Variants in KNDC1 observed in about 807,000 individuals in gnomAD.
KNDC1 encodes kinase non-catalytic C-lobe domain-containing protein 1.
Under a neutral mutation model 172.8 loss-of-function variants are expected in KNDC1, and 106 were observed. The observed-to-expected ratio is 0.61, with a 90% CI of 0.52 to 0.72. The LOEUF is 0.72. Among genes scored for constraint, KNDC1 ranks in the 30% least tolerant of loss-of-function variants. The pLI is 0.00. For missense variants in KNDC1, 2,325 were observed against 2,394.5 expected (o/e 0.97, Z 0.61); for synonymous variants, 1,083 against 1,062.2 (o/e 1.02, Z -0.38).
chr10:133,213,742 C>T lies in KNDC1; in HGVS notation c.4526+15C>T. The T allele has an allele frequency of 6.2e-7, 1 of 1,612,684 alleles. No individual in the cohort carries two copies. Among genetic ancestry groups the T allele is most frequent in the Non-Finnish European group, 8.5e-7 (1 of 1,178,890 alleles). ...GCCATCCCCAAGTGAGCGTCCGGGACCCTCAGCTGGGAGCGGTGGTGGAGG... is the reference window on the plus strand; with the variant it reads ...GCCATCCCCAAGTGAGCGTCCGGGATCCTCAGCTGGGAGCGGTGGTGGAGG... On this transcript the variant is annotated intron_variant, in intron 25 of 29. Coordinates refer to ENST00000304613, the MANE Select transcript of KNDC1 (RefSeq NM_152643.8).
chr10:133,167,555 G>A lies in KNDC1; in HGVS notation c.277G>A (p.Val93Met), dbSNP rs375994166. 6.4e-5 allele frequency: 102 copies of A among 1,599,744 alleles called. No individual in the cohort carries two copies. The highest frequency in any genetic ancestry group is 7.8e-5 in the Non-Finnish European group (91 of 1,173,646). Residue 93 changes from valine to methionine, a missense_variant, in exon 2 of 30, where the codon GTG (valine) becomes ATG (methionine). Coordinates refer to ENST00000304613, the MANE Select transcript of KNDC1 (RefSeq NM_152643.8). ...DTLAFNTSGN[V>M]CFMEQLSDDP... Reference sequence around the variant, plus strand: ...CCTGGCCTTCAACACCAGCGGGAACGTGTGTTTCATGGAGCAGCTCAGCGG... The same window carrying A: ...CCTGGCCTTCAACACCAGCGGGAACATGTGTTTCATGGAGCAGCTCAGCGG...
At chr10:133,207,549 C>T (rs1283537514) in intron 20 of KNDC1, among the ~76,000 whole-genome samples, 198 bp downstream of exon 20, 4 of 152,246 alleles carry the variant, frequency 2.6e-5, no homozygotes, top group Non-Finnish European at 5.9e-5. Context: ...TGGCCTCCGC[C>T]GCCTGTGGGC....
chr10:133,225,149 T>G lies in KNDC1; in HGVS notation c.*259T>G. The G allele has an allele frequency of 2.1e-6, 1 of 468,816 alleles. No individual in the cohort carries two copies. 29.0% of individuals were successfully genotyped at this position (468,816 alleles called of 1,614,324 possible). ...TCTGCTAGAATTAAAAAGTTAAATT[T>G]AAAAATGAAAATGAAAGACAGCTTC... is the stretch of plus-strand genomic sequence containing the variant. On this transcript the variant is annotated 3_prime_UTR_variant, in exon 30 of 30. Transcript: ENST00000304613.
chr10:133,202,829 C>G, intron 17 of KNDC1: 1 of 352,628 alleles, frequency 2.8e-6, no homozygotes, highest in East Asian at 8.2e-5. Flanking sequence ...GTGCTACAGC[C>G]TCTGCACCTG....
chr10:133,198,788 C>T lies in KNDC1; in HGVS notation c.2280C>T (p.Cys760=), dbSNP rs1854272568. 6 of 1,589,408 alleles carry T rather than the reference C, an allele frequency of 3.8e-6. No homozygotes were observed. Among genetic ancestry groups the T allele is most frequent in the Non-Finnish European group, 5.1e-6 (6 of 1,168,268 alleles). Residue 760 remains cysteine (C), a synonymous_variant, in exon 14 of 30, where the codon TGC becomes TGT. Coordinates refer to ENST00000304613, the MANE Select transcript of KNDC1 (RefSeq NM_152643.8). The part of the protein sequence containing the change: ...VQRDSAQGRP[C]PPPQAPANQP... Reference sequence around the variant, plus strand: ...GTGACTCAGCCCAGGGCCGCCCCTGCCCTCCACCCCAGGCCCCAGCAAACC... The same window carrying T: ...GTGACTCAGCCCAGGGCCGCCCCTGTCCTCCACCCCAGGCCCCAGCAAACC...
At chr10:133,165,266 G>A (rs550196652) in intron 1 of KNDC1, among the ~76,000 whole-genome samples, 4 of 152,340 alleles carry the variant, frequency 2.6e-5, no homozygotes, top group African/African-American at 7.2e-5. Context: ...GGCTCCAGGT[G>A]TCCGGCTTCC....
rs374065707 is a variant in KNDC1 at position 133,199,617 on chromosome 10, C to G, written c.2903+15C>G. 1 of 1,611,674 alleles carries G rather than the reference C, an allele frequency of 6.2e-7. No individual in the cohort carries two copies. The highest frequency in any genetic ancestry group is 8.5e-7 in the Non-Finnish European group (1 of 1,179,332). On this transcript the variant is annotated intron_variant, in intron 15 of 29. Transcript: ENST00000304613. ...CCCTCCCCAAGGTGGGTGCCCAGTT[C>G]GGCCCTGCATTCCCGCCCCTCCCTG...
At chr10:133,168,962 C>T (rs1853280790) in intron 3 of KNDC1, among the ~76,000 whole-genome samples, 1 of 152,258 alleles carries the variant, frequency 6.6e-6, no homozygotes, top group Non-Finnish European at 1.5e-5. Context: ...GGGGCGGAAT[C>T]ACCCCGGGGC....
At chr10:133,190,812 C>T (rs1364957591) in intron 9 of KNDC1, among the ~76,000 whole-genome samples, 2 of 152,320 alleles carry the variant, frequency 1.3e-5, no homozygotes, top group South Asian at 4.1e-4. Flanking sequence ...CCAGGCCGAC[C>T]TCAGGGGGTT....
At chr10:133,208,719 G>A (rs1036985261) in intron 20 of KNDC1, among the ~76,000 whole-genome samples, 3 of 152,176 alleles carry the variant, frequency 2.0e-5, no homozygotes, top group South Asian at 2.1e-4. Flanking sequence ...CACGCCCACC[G>A]CAGGGTCTCT....
chr10:133,188,435 G>A, intron 6 of KNDC1, 104 bp from the exon 7 acceptor site: 2 of 703,586 alleles, frequency 2.8e-6, no homozygotes, highest in Non-Finnish European at 4.9e-6. Flanking sequence ...CCTACTCAGG[G>A]GCTGAGTGGG....
Position 133,198,781 on chromosome 10 carries a change from G to A in KNDC1, c.2273G>A (p.Arg758His), listed in dbSNP as rs759584683. The change falls in exon 14 of 30, where the codon CGC (arginine) becomes CAC (histidine). Residue 758 changes from arginine (R) to histidine (H), a missense_variant. Coordinates refer to ENST00000304613, the MANE Select transcript of KNDC1 (RefSeq NM_152643.8). ...ASVQRDSAQG[R>H]PCPPPQAPAN... ...GTGCAGCGTGACTCAGCCCAGGGCC[G>A]CCCCTGCCCTCCACCCCAGGCCCCA... is the stretch of plus-strand genomic sequence containing the variant. 29 of 1,585,496 alleles carry A rather than the reference G, an allele frequency of 1.8e-5. No individual in the cohort carries two copies. Among genetic ancestry groups the A allele is most frequent in the South Asian group, 1.3e-4 (11 of 87,370 alleles).
At chr10:133,192,710 T>C (rs1261866760) in intron 9 of KNDC1, among the ~76,000 whole-genome samples, 1 of 152,098 alleles carries the variant, frequency 6.6e-6, no homozygotes, top group Non-Finnish European at 1.5e-5. Flanking sequence ...GAGGAAAGAA[T>C]TGGTGAAATG....
chr10:133,185,689 G>A (rs1853878571), intron 5 of KNDC1, among the ~76,000 whole-genome samples: 1 of 151,238 alleles, frequency 6.6e-6, no homozygotes, highest in Admixed American at 6.6e-5. Context: ...CCCATAGGAA[G>A]CCCCAGAGGG....
At chr10:133,188,073 A>G (rs2135981711) in intron 6 of KNDC1, among the ~76,000 whole-genome samples, 1 of 150,996 alleles carries the variant, frequency 6.6e-6, no homozygotes, top group African/African-American at 2.4e-5. Flanking sequence ...CTGCGTGAGA[A>G]CCCCCCATCC....
In KNDC1 at chr10:133,202,300, C is replaced by T. The variant is rs1415217043; in HGVS notation, c.3387+402C>T. Reference sequence around the variant, plus strand: ...GCAGTGAAAGAAAACACCAAAAACGCCTGCCCAGCAAGTCTAGACTGGGCC... The same window carrying T: ...GCAGTGAAAGAAAACACCAAAAACGTCTGCCCAGCAAGTCTAGACTGGGCC... On this transcript the variant is annotated intron_variant, in intron 17 of 29. Transcript: ENST00000304613. 3 of 488,156 alleles carry T rather than the reference C, an allele frequency of 6.1e-6. No homozygotes were observed. In the East Asian group the frequency reaches 1.8e-4, roughly 30 times the overall value. 30.2% of individuals were successfully genotyped at this position (488,156 alleles called of 1,614,324 possible).
At chr10:133,178,459 C>T (rs1853621594) in intron 3 of KNDC1, among the ~76,000 whole-genome samples, 1 of 152,196 alleles carries the variant, frequency 6.6e-6, no homozygotes, top group Admixed American at 6.5e-5. Context: ...GCTTTCCACC[C>T]AGCCTCGGAT....
chr10:133,195,376 G>A (rs1757976372), intron 9 of KNDC1, among the ~76,000 whole-genome samples: 1 of 152,238 alleles, frequency 6.6e-6, no homozygotes, highest in Non-Finnish European at 1.5e-5. Flanking sequence ...CCTTCGTGAG[G>A]AGAGTGGAAG....
chr10:133,162,716 C>T (rs140439067), intron 1 of KNDC1, among the ~76,000 whole-genome samples: 1 of 152,400 alleles, frequency 6.6e-6, no homozygotes, highest in Non-Finnish European at 1.5e-5. Context: ...CTTGTGCTGG[C>T]AAGGACGGCG....
Sources: allele counts gnomAD v4.1 joint callset (sites outside exome capture counted in the v4.1 genomes callset), GRCh38; gene constraint gnomAD v4.1.1; transcripts MANE v1.5; gene names NCBI Gene and HGNC (gene_info 2026-07-23, HGNC 2026-07-21).